ARHGAP32: variants seen among roughly 807,000 people sequenced by gnomAD.
ARHGAP32 encodes rho GTPase-activating protein 32.
Under a neutral mutation model 186.5 loss-of-function variants are expected in ARHGAP32, and 51 were observed. That is an observed-to-expected ratio of 0.27 (90% confidence interval 0.22 to 0.35). ARHGAP32 has a LOEUF of 0.35. ARHGAP32 is among the 10% of genes least tolerant of loss of function. ARHGAP32 has a pLI of 1.00. For missense variants in ARHGAP32, 2,186 were observed against 2,623.5 expected (o/e 0.83, Z 3.64); for synonymous variants, 950 against 964.3 (o/e 0.99, Z 0.27).
At chr11:129,003,186 G>A (rs563623905) in intron 11 of ARHGAP32, among the ~76,000 whole-genome samples, 15 of 152,232 alleles carry the variant, frequency 9.9e-5, no homozygotes, top group East Asian at 1.9e-4. Context: ...ATGATGTATC[G>A]CATGTATTGA....
chr11:128,986,685 A>G lies in ARHGAP32; in HGVS notation c.1299-17T>C. ...AATTCATGGCTGACGTAGACAGAAG[A>G]GGACAAGCAAATCATTTGATTGAGG... On this transcript the variant is annotated splice_polypyrimidine_tract_variant and intron_variant, in intron 13 of 22. Coordinates refer to ENST00000682385, the MANE Select transcript of ARHGAP32 (RefSeq NM_001378024.1). The G allele has an allele frequency of 1.2e-6, 2 of 1,611,344 alleles. No homozygotes were observed. Among genetic ancestry groups the G allele is most frequent in the Non-Finnish European group, 1.7e-6 (2 of 1,178,060 alleles).
At chr11:129,051,912 G>A (rs1402540755) in intron 10 of ARHGAP32, among the ~76,000 whole-genome samples, 56 of 133,248 alleles carry the variant, frequency 4.2e-4, no homozygotes, top group Non-Finnish European at 1.5e-5. Flanking sequence ...CCGAGATTGG[G>A]CCACTGCACT....
At chr11:129,242,489 C>T (rs965850121) in intron 1 of ARHGAP32, among the ~76,000 whole-genome samples, 96 of 152,158 alleles carry the variant, frequency 6.3e-4, no homozygotes, top group Admixed American at 6.3e-3. Context: ...GAGGCCAAGG[C>T]AGGCAGATCA....
chr11:129,155,460 T>C (rs1256860759), intron 2 of ARHGAP32, among the ~76,000 whole-genome samples: 7 of 152,194 alleles, frequency 4.6e-5, no homozygotes, highest in Non-Finnish European at 8.8e-5. Context: ...GGAATATACA[T>C]TGACACTACC....
intron 13 of ARHGAP32, among the ~76,000 whole-genome samples, chr11:128,987,577 G>C (rs1284948628): frequency 1.3e-5 from 2 of 152,180 alleles, no homozygotes; most frequent in Non-Finnish European, 2.9e-5. Flanking sequence ...GTTTGTCACT[G>C]TTTTTGTCTC....
chr11:129,265,860 A>G (rs1007300699), intron 1 of ARHGAP32, among the ~76,000 whole-genome samples: 4 of 152,194 alleles, frequency 2.6e-5, no homozygotes, highest in Non-Finnish European at 5.9e-5. Context: ...TCACACAAAC[A>G]TTACTGTAGT....
At chr11:129,099,108 C>T (rs763239275) in intron 5 of ARHGAP32, among the ~76,000 whole-genome samples, 6 of 152,080 alleles carry the variant, frequency 3.9e-5, no homozygotes, top group Non-Finnish European at 7.4e-5. Flanking sequence ...TGAGAGAAGT[C>T]CCTCCTTATC....
At chr11:129,179,820 G>A (rs1480701204) in intron 1 of ARHGAP32, among the ~76,000 whole-genome samples, 2 of 152,044 alleles carry the variant, frequency 1.3e-5, no homozygotes, top group Non-Finnish European at 2.9e-5. Context: ...GGGAGGGATA[G>A]CATTGGGAGA....
At chr11:128,981,074 T>C (rs992258549) in intron 17 of ARHGAP32, among the ~76,000 whole-genome samples, 1 of 152,228 alleles carries the variant, frequency 6.6e-6, no homozygotes, top group African/African-American at 2.4e-5. Flanking sequence ...CTGTTTTCCT[T>C]TCTTAAAAGA....
At chr11:129,242,182 A>C (rs1161968827) in intron 1 of ARHGAP32, among the ~76,000 whole-genome samples, 2 of 152,192 alleles carry the variant, frequency 1.3e-5, no homozygotes, top group African/African-American at 4.8e-5. Context: ...CAAACCACCT[A>C]TGGTGCAAAA....
chr11:129,104,598 T>C (rs1456638144), intron 5 of ARHGAP32, among the ~76,000 whole-genome samples: 1 of 149,352 alleles, frequency 6.7e-6, no homozygotes, highest in Non-Finnish European at 1.5e-5. Context: ...ATAAAATTAA[T>C]CTCTCTAGGA....
chr11:129,246,227 G>T (rs1183360057), intron 1 of ARHGAP32, among the ~76,000 whole-genome samples: 1 of 152,144 alleles, frequency 6.6e-6, no homozygotes, highest in Admixed American at 6.6e-5. Context: ...CATGTCAGTT[G>T]TAACACAGAT....
intron 1 of ARHGAP32, among the ~76,000 whole-genome samples, chr11:129,236,931 C>T (rs1324740760): frequency 1.3e-5 from 2 of 152,144 alleles, no homozygotes; most frequent in Non-Finnish European, 2.9e-5. Flanking sequence ...CCTTCTATGC[C>T]AATTTTGCTG....
chr11:129,239,354 C>G (rs1274064406), intron 1 of ARHGAP32, among the ~76,000 whole-genome samples: 1 of 152,142 alleles, frequency 6.6e-6, no homozygotes, highest in Non-Finnish European at 1.5e-5. Context: ...TGCATCACAG[C>G]AGCGCTGTAA....
chr11:129,060,410 A>AC (rs1345208251), intron 10 of ARHGAP32, among the ~76,000 whole-genome samples: 6 of 117,116 alleles, frequency 5.1e-5, no homozygotes, highest in South Asian at 4.9e-4. Context: ...AGACAGACAG[A>AC]AGAAAGTTAG....
At chr11:129,255,114 C>T (rs1291763607) in intron 1 of ARHGAP32, among the ~76,000 whole-genome samples, 1 of 152,050 alleles carries the variant, frequency 6.6e-6, no homozygotes, top group East Asian at 1.9e-4. Flanking sequence ...AAGCTGGATA[C>T]ATTAAAACTA....
At chr11:129,262,775 C>A (rs956561792) in intron 1 of ARHGAP32, among the ~76,000 whole-genome samples, 1 of 15,574 alleles carries the variant, frequency 6.4e-5, no homozygotes, top group African/African-American at 4.2e-4. Flanking sequence ...GAGAAGACTG[C>A]AACACACCAA....
At chr11:129,060,817 A>T (rs76359032) in intron 10 of ARHGAP32, among the ~76,000 whole-genome samples, 20 of 136,876 alleles carry the variant, frequency 1.5e-4, no homozygotes, top group African/African-American at 3.3e-4. Flanking sequence ...ATTAAAAAAA[A>T]ATTATACATC....
chr11:129,074,235 A>G (rs1253146014), intron 6 of ARHGAP32, among the ~76,000 whole-genome samples: 1 of 151,992 alleles, frequency 6.6e-6, no homozygotes, highest in African/African-American at 2.4e-5. Flanking sequence ...GTTTGTTCAA[A>G]TAATAGCAAC....
Sources: gnomAD v4.1 joint callset for allele counts (sites outside exome capture counted in the v4.1 genomes callset) on GRCh38, gnomAD v4.1.1 for gene constraint, MANE v1.5 for transcripts, NCBI Gene and HGNC (gene_info 2026-07-23, HGNC 2026-07-21) for gene names.